SVEP1: variants seen among roughly 807,000 people sequenced by gnomAD.
SVEP1 encodes the protein sushi, von Willebrand factor type A, EGF and pentraxin domain-containing protein 1.
A neutral mutation model predicts 367.3 loss-of-function variants in SVEP1; 164 were observed. That is an observed-to-expected ratio of 0.45 (90% CI 0.39 to 0.51). The LOEUF is 0.51. SVEP1 is among the 20% of genes least tolerant of loss of function. The pLI, the probability that SVEP1 is intolerant of heterozygous loss-of-function variation, is 0.00. For missense variants in SVEP1, 4,117 were observed against 4,425.3 expected, an observed-to-expected ratio of 0.93 and a Z score of 1.98; for synonymous variants, 1,666 against 1,611.6, an observed-to-expected ratio of 1.03 and a Z score of -0.81.
chr9:110,573,971 A>G lies in SVEP1; in HGVS notation c.531+5042T>C, dbSNP rs76068626. Among the ~76,000 whole-genome samples the G allele has an allele frequency of 2.8e-3, 426 of 152,318 alleles. 5 individuals are homozygous for G. The highest frequency in any genetic ancestry group is 9.5e-3 in the African/African-American group (396 of 41,574). On this transcript the variant is annotated intron_variant, in intron 1 of 47. Coordinates refer to ENST00000374469, the MANE Select transcript of SVEP1 (RefSeq NM_153366.4). ...GCTAGGGGGTGGTTCTGAAGAGACT[A>G]TGTCTACACTGCACTTTATCCATTC...
chr9:110,416,366 T>C (rs1357111299), intron 36 of SVEP1, among the ~76,000 whole-genome samples: 1 of 151,768 alleles, frequency 6.6e-6, no homozygotes, highest in Non-Finnish European at 1.5e-5. Flanking sequence ...ATGTGGAACA[T>C]AAAAATTAAA....
chr9:110,411,873 G>C, intron 36 of SVEP1, 138 bp from the exon 37 acceptor site: 1 of 804,234 alleles, frequency 1.2e-6, no homozygotes, highest in South Asian at 2.3e-5. Flanking sequence ...TTTGAATACT[G>C]AGCTTATTGA....
At chr9:110,393,942 A>G (rs982303895) in intron 40 of SVEP1, among the ~76,000 whole-genome samples, 3 of 152,206 alleles carry the variant, frequency 2.0e-5, no homozygotes, top group African/African-American at 7.2e-5. Context: ...CAGGGCACAG[A>G]CAAACAAAAA....
At chr9:110,478,468 A>T (rs551428532) in intron 13 of SVEP1, among the ~76,000 whole-genome samples, 3 of 152,290 alleles carry the variant, frequency 2.0e-5, no homozygotes, top group Non-Finnish European at 4.4e-5. Context: ...AGCACCTTTA[A>T]CCTGCTACAA....
chr9:110,526,641 T>C (rs1380847250), intron 3 of SVEP1, among the ~76,000 whole-genome samples: 1 of 152,112 alleles, frequency 6.6e-6, no homozygotes, highest in Non-Finnish European at 1.5e-5. Context: ...AACAAAAATA[T>C]GCAACTACTG....
At chr9:110,512,473 C>A (rs1829734140) in intron 5 of SVEP1, among the ~76,000 whole-genome samples, 1 of 152,036 alleles carries the variant, frequency 6.6e-6, no homozygotes, top group Non-Finnish European at 1.5e-5. Flanking sequence ...CTCGCTTTGA[C>A]AAATTCTCTA....
chr9:110,406,715 C>T lies in SVEP1; in HGVS notation c.8885G>A (p.Gly2962Asp). 6.2e-7 allele frequency: 1 copy of T among 1,613,986 alleles called. No individual in the cohort carries two copies. The highest frequency in any genetic ancestry group is 8.5e-7 in the Non-Finnish European group (1 of 1,179,898). Reference sequence around the variant, plus strand: ...ATGGCCCCCATGAATAAAGGAAAAACCATTAGGGAAACCATGGGCAAGATC... The same window carrying T: ...ATGGCCCCCATGAATAAAGGAAAAATCATTAGGGAAACCATGGGCAAGATC... ...PEDLAHGFPN[G>D]FSFIHGGHIQ... is the part of the protein sequence containing the mutation. The change falls in exon 38 of 48, where the codon GGT (glycine) becomes GAT (aspartate). Residue 2962 changes from glycine (G) to aspartate (D), a missense_variant. Gly to Asp is a moderately conservative substitution (Grantham distance 94, BLOSUM62 -1). Transcript: ENST00000374469.
At chr9:110,427,563 G>T (rs752625379) in intron 36 of SVEP1, 28 bp downstream of exon 36, 1 of 1,601,456 alleles carries the variant, frequency 6.2e-7, no homozygotes, top group South Asian at 1.1e-5. Context: ...GGCTCTCAAT[G>T]ATCCTTTCCT....
chr9:110,557,863 G>T (rs941837492), intron 1 of SVEP1, among the ~76,000 whole-genome samples: 1 of 152,006 alleles, frequency 6.6e-6, no homozygotes, highest in Admixed American at 6.6e-5. Context: ...AAAATGGATG[G>T]CCTAGATCAC....
rs573106547 is a variant in SVEP1 at position 110,444,752 on chromosome 9, G to GA, written c.4464-1033dup. 2.6e-4 allele frequency among the ~76,000 whole-genome samples: 39 copies of GA among 147,696 alleles called. No homozygotes were observed. The East Asian group carries it at 6.2e-3, about 24-fold the overall frequency. ...TCAGATCCTGTTTACAGAGGTTTATGAAAAAATAATATTTTTGCAATATTA... is the reference window on the plus strand; with the variant it reads ...TCAGATCCTGTTTACAGAGGTTTATGAAAAAAATAATATTTTTGCAATATTA... On this transcript the variant is annotated intron_variant, in intron 26 of 47. Coordinates refer to ENST00000374469, the MANE Select transcript of SVEP1 (RefSeq NM_153366.4).
chr9:110,516,207 T>A (rs1031850427), intron 3 of SVEP1, among the ~76,000 whole-genome samples: 1 of 149,768 alleles, frequency 6.7e-6, no homozygotes, highest in Non-Finnish European at 1.5e-5. Flanking sequence ...AAAATAAAAA[T>A]ATAATATACT....
Position 110,406,761 on chromosome 9 carries a change from C to T in SVEP1, c.8839G>A (p.Val2947Ile). Residue 2947 changes from valine (V) to isoleucine (I), a missense_variant, in exon 38 of 48, where the codon GTC becomes ATC. Val to Ile is a conservative substitution (Grantham distance 29). Around this residue, in one of 4 missense-constraint regions of SVEP1, gnomAD observed 1,765 missense variants for 1,781.1 expected, o/e 0.99. Transcript: ENST00000374469. ...AGATCTTCAGGAGGTCCACAGTTGACTGGTTTACAGAGAGGAATCTCTGCA... is the reference window on the plus strand; with the variant it reads ...AGATCTTCAGGAGGTCCACAGTTGATTGGTTTACAGAGAGGAATCTCTGCA... ...WDAEIPLCKP[V>I]NCGPPEDLAH... 3 of 1,614,050 alleles carry T rather than the reference C, an allele frequency of 1.9e-6. No individual in the cohort carries two copies. Among genetic ancestry groups the T allele is most frequent in the Non-Finnish European group, 1.7e-6 (2 of 1,179,900 alleles).
At chr9:110,406,104 A>G (rs1827949876) in intron 38 of SVEP1, 56 bp downstream of exon 38, 1 of 1,502,502 alleles carries the variant, frequency 6.7e-7, no homozygotes, top group Non-Finnish European at 8.9e-7. Flanking sequence ...GATCGATCAC[A>G]TTTCATTTCA....
At chr9:110,455,190 A>G (rs1029396474) in intron 22 of SVEP1, among the ~76,000 whole-genome samples, 1 of 152,164 alleles carries the variant, frequency 6.6e-6, no homozygotes, top group African/African-American at 2.4e-5. Context: ...AAATTCAGTA[A>G]AATACTAGTA....
intron 9 of SVEP1, among the ~76,000 whole-genome samples, chr9:110,486,114 G>A (rs1313135522): frequency 6.6e-6 from 1 of 152,186 alleles, no homozygotes; most frequent in Non-Finnish European, 1.5e-5. Flanking sequence ...GCTCAAACAA[G>A]TTGCTGGATA....
intron 11 of SVEP1, among the ~76,000 whole-genome samples, chr9:110,481,981 G>T (rs1017244144): frequency 6.6e-6 from 1 of 152,076 alleles, no homozygotes; most frequent in African/African-American, 2.4e-5. Flanking sequence ...CCAAAACACT[G>T]GGATTACAGG....
chr9:110,522,058 T>C (rs530377520), intron 3 of SVEP1, among the ~76,000 whole-genome samples: 3 of 152,338 alleles, frequency 2.0e-5, no homozygotes, highest in African/African-American at 7.2e-5. Flanking sequence ...CTACTTTATA[T>C]TCCCATTATC....
intron 37 of SVEP1, 105 bp from the exon 38 acceptor site, chr9:110,409,056 A>T: frequency 1.6e-6 from 2 of 1,250,632 alleles, no homozygotes; most frequent in Non-Finnish European, 2.2e-6. Context: ...TGTTAAAATG[A>T]ATCAATTAGG....
At chr9:110,401,631 C>T (rs544198988) in intron 39 of SVEP1, among the ~76,000 whole-genome samples, 2 of 149,714 alleles carry the variant, frequency 1.3e-5, no homozygotes, top group Non-Finnish European at 3.0e-5. Flanking sequence ...TAAAAATAAC[C>T]AAAATAAATT....
Sources: gnomAD v4.1 joint callset for allele counts (sites outside exome capture counted in the v4.1 genomes callset) on GRCh38, gnomAD v4.1.1 for gene constraint, gnomAD v4.1.1 regional missense constraint, MANE v1.5 for transcripts, NCBI Gene and HGNC (gene_info 2026-07-23, HGNC 2026-07-21) for gene names.